Variants in TBC1D16 observed in about 807,000 individuals in gnomAD.
The protein encoded by TBC1D16 is CTD-2529O21.1.
Under a neutral mutation model 74.7 loss-of-function variants are expected in TBC1D16, and 58 were observed. The observed-to-expected ratio is 0.78, with a 90% CI of 0.63 to 0.97. TBC1D16 has a LOEUF of 0.97. TBC1D16 is among the 50% of genes least tolerant of loss of function. The probability of loss-of-function intolerance (pLI) is 0.00; values close to 1 mark genes in which losing one functional copy is unlikely to be tolerated. For synonymous variants in TBC1D16, 493 were observed against 474.7 expected, an observed-to-expected ratio of 1.04 and a Z score of -0.50; for missense variants, 1,014 against 1,079.5, an observed-to-expected ratio of 0.94 and a Z score of 0.85.
chr17:80,024,756 T>C (rs1218419549), intron 1 of TBC1D16, among the ~76,000 whole-genome samples: 2 of 127,916 alleles, frequency 1.6e-5, no homozygotes, highest in Non-Finnish European at 3.3e-5. Flanking sequence ...ACACACACAC[T>C]ACATACACAC....
intron 3 of TBC1D16, among the ~76,000 whole-genome samples, chr17:79,995,697 A>C (rs995914248): frequency 6.6e-6 from 1 of 151,892 alleles, no homozygotes; most frequent in Non-Finnish European, 1.5e-5. Context: ...AGGCAGGAGA[A>C]TGGCGTGAAT....
At chr17:80,023,659 C>A (rs1426823183) in intron 1 of TBC1D16, among the ~76,000 whole-genome samples, 11 of 111,284 alleles carry the variant, frequency 9.9e-5, no homozygotes, top group Non-Finnish European at 2.0e-4. Flanking sequence ...GCTGCCGGGC[C>A]CCCCCCCACC....
rs200042897 is a variant in TBC1D16 at position 80,035,252 on chromosome 17, C to A, written c.-63+543G>T. ...TTTCTTTTTCTTTTTTTTTTTTTCC[C>A]AAAGGAAAGAACAAGGGAGCCCAGG... On this transcript the variant is annotated intron_variant, in intron 1 of 11. Transcript: ENST00000310924. The surrounding 1 kb of genome is among the most constrained non-coding windows in gnomAD (Gnocchi z 5.3). Among the ~76,000 whole-genome samples the A allele has an allele frequency of 6.9e-6, 1 of 145,280 alleles. No individual in the cohort carries two copies. The highest frequency in any genetic ancestry group is 1.5e-5 in the Non-Finnish European group (1 of 66,650).
rs1041697069 is a variant in TBC1D16, at chr17:79,937,428, G to T, written c.*3431C>A. On this transcript the variant is annotated 3_prime_UTR_variant, in exon 12 of 12. Coordinates refer to ENST00000310924, the MANE Select transcript of TBC1D16 (RefSeq NM_019020.4). ...CCCACCCCCGCCGAGCTTCACACTG[G>T]GCTGCTATGGAAAACTGAAAGGTCA... 1 of 152,400 alleles carries T rather than the reference G, an allele frequency of 6.6e-6. No homozygotes were observed. Among genetic ancestry groups the T allele is most frequent in the Non-Finnish European group, 1.5e-5 (1 of 68,230 alleles). The allele number at this position is 152,400 out of a possible 1,614,324, so 9.4% of individuals were successfully genotyped here.
chr17:80,022,802 A>AATTTTTGT (rs1475436871), intron 1 of TBC1D16, among the ~76,000 whole-genome samples: 3 of 146,884 alleles, frequency 2.0e-5, no homozygotes, highest in African/African-American at 8.0e-5. Context: ...ACACCTGGCT[A>AATTTTTGT]ATTTTTGTAT....
chr17:79,949,778 C>G lies in TBC1D16; in HGVS notation c.1345G>C (p.Glu449Gln), dbSNP rs774713186. 6.2e-7 allele frequency: 1 copy of G among 1,613,730 alleles called. No individual in the cohort carries two copies. Among genetic ancestry groups the G allele is most frequent in the Non-Finnish European group, 8.5e-7 (1 of 1,179,930 alleles). Residue 449 changes from glutamate (E) to glutamine (Q), a missense_variant, in exon 7 of 12, where the codon GAG becomes CAG. Transcript: ENST00000310924. ...TGCAGCCGCAGCGCCTCCCGCTCCT[C>G]CGACGTGGACTCGTGGCTGTAATAG... The part of the protein sequence containing the change: ...LRYYSHESTS[E>Q]EREALRLQKR...
Position 79,961,951 on chromosome 17 carries a change from CG to C in TBC1D16, c.780-9134del, listed in dbSNP as rs1194642609. ...ATCAACAGCCAATGCAGTAATGAATCGTGGTCTGTACATACCATGGCATACT... is the reference window on the plus strand; with the variant it reads ...ATCAACAGCCAATGCAGTAATGAATCTGGTCTGTACATACCATGGCATACT... On this transcript the variant is annotated intron_variant, in intron 3 of 11. Coordinates refer to ENST00000310924, the MANE Select transcript of TBC1D16 (RefSeq NM_019020.4). This position sits in a 1 kb window ranked among gnomAD's most constrained non-coding sequence, Gnocchi z 4.8. Among the ~76,000 whole-genome samples, 2 of 152,084 alleles carry C rather than the reference CG, an allele frequency of 1.3e-5. No homozygotes were observed. The highest frequency in any genetic ancestry group is 1.3e-4 in the Admixed American group (2 of 15,262).
At chr17:80,018,883 G>A (rs950835723) in intron 1 of TBC1D16, among the ~76,000 whole-genome samples, 3 of 150,134 alleles carry the variant, frequency 2.0e-5, no homozygotes, top group East Asian at 3.9e-4. Context: ...TTACAGGCGG[G>A]AGCCACCGCA....
At position 79,962,814 on chromosome 17, in the gene TBC1D16, C is replaced by T. The variant is rs564504354; in HGVS notation, c.780-9996G>A. Among the ~76,000 whole-genome samples, 262 of 151,860 alleles carry T rather than the reference C, an allele frequency of 1.7e-3. 2 individuals carry two copies. Among genetic ancestry groups the T allele is most frequent in the African/African-American group, 4.5e-3 (186 of 41,440 alleles). On this transcript the variant is annotated intron_variant, in intron 3 of 11. Transcript: ENST00000310924. ...TGGTGGCTCATGCCTGTAACCCCAG[C>T]ACTTTGGGAGGCCGAGGTGGGCGGA...
chr17:79,970,822 C>T (rs779528498), intron 3 of TBC1D16, among the ~76,000 whole-genome samples: 3 of 141,812 alleles, frequency 2.1e-5, no homozygotes, highest in Admixed American at 7.0e-5. Context: ...GAGAAAGCAC[C>T]AGTCCTTGTA....
rs556416650 is a variant in TBC1D16 at position 80,007,837 on chromosome 17, G to A, written c.779+2323C>T. ...GGGGGGTGGGGAGGCAGGCAGCATC[G>A]CTCAGCAGGGCCAGATGGTGATGGG... On this transcript the variant is annotated intron_variant, in intron 3 of 11. Transcript: ENST00000310924. This position sits in a 1 kb window ranked among gnomAD's most constrained non-coding sequence, Gnocchi z 4.5. Among the ~76,000 whole-genome samples the A allele has an allele frequency of 2.0e-4, 31 of 152,204 alleles. No individual in the cohort carries two copies. Among genetic ancestry groups the A allele is most frequent in the African/African-American group, 6.7e-4 (28 of 41,508 alleles).
At chr17:79,984,568 G>GAC (rs2034738306) in intron 3 of TBC1D16, among the ~76,000 whole-genome samples, 1 of 141,990 alleles carries the variant, frequency 7.0e-6, no homozygotes, top group Non-Finnish European at 1.5e-5. Flanking sequence ...GAAAGAGAGA[G>GAC]AGAGAAAGAA....
At chr17:79,943,948 G>A (rs1425365183) in intron 10 of TBC1D16, 21 of 1,485,336 alleles carry the variant, frequency 1.4e-5, no homozygotes, top group Admixed American at 4.3e-5. Context: ...GCTTCCCTTC[G>A]TTAATGCAGA....
chr17:80,009,060 A>T lies in TBC1D16; in HGVS notation c.779+1100T>A, dbSNP rs2035782345. Among the ~76,000 whole-genome samples, 1 of 152,174 alleles carries T rather than the reference A, an allele frequency of 6.6e-6. No homozygotes were observed. Among genetic ancestry groups the T allele is most frequent in the South Asian group, 2.1e-4 (1 of 4,832 alleles). On this transcript the variant is annotated intron_variant, in intron 3 of 11. Coordinates refer to ENST00000310924, the MANE Select transcript of TBC1D16 (RefSeq NM_019020.4). The surrounding 1 kb of genome is among the most constrained non-coding windows in gnomAD (Gnocchi z 5.4). The stretch of plus-strand genomic sequence containing the variant: ...CCTTTCCCCTTCGATAGCAGGGGAT[A>T]ATAGGAGGGCCCACCTCACGGGGCG...
In TBC1D16 at chr17:79,960,779, C is replaced by CAAAAAAAAAAAAAAAAAAAAAA. The variant is rs746450905; in HGVS notation, c.780-7983_780-7962dup. On this transcript the variant is annotated intron_variant, in intron 3 of 11. Coordinates refer to ENST00000310924, the MANE Select transcript of TBC1D16 (RefSeq NM_019020.4). ...CAAAAAAACCCAAAAAACAAAAACC[C>CAAAAAAAAAAAAAAAAAAAAAA]AAAAAAAAAAAAAAAAAAAAAAAAA... Among the ~76,000 whole-genome samples, 6 of 33,948 alleles carry CAAAAAAAAAAAAAAAAAAAAAA rather than the reference C, an allele frequency of 1.8e-4. 2 individuals carry two copies. The highest frequency in any genetic ancestry group is 1.0e-3 in the Admixed American group (2 of 1,916). The allele number at this position is 33,948 out of a possible 152,430, so 22.3% of individuals were successfully genotyped here. A position where few individuals can be genotyped will look rare whatever the true frequency, so the allele number is the denominator to read the frequency against.
Position 79,941,227 on chromosome 17 carries a change from C to T in TBC1D16, c.2056-120G>A. 2.0e-6 allele frequency: 2 copies of T among 1,013,132 alleles called. No homozygotes were observed. The highest frequency in any genetic ancestry group is 2.9e-6 in the Non-Finnish European group (2 of 701,672). The allele number at this position is 1,013,132 out of a possible 1,614,324, so 62.8% of individuals were successfully genotyped here. On this transcript the variant is annotated intron_variant, in intron 11 of 11. Coordinates refer to ENST00000310924, the MANE Select transcript of TBC1D16 (RefSeq NM_019020.4). The surrounding 1 kb of genome is among the most constrained non-coding windows in gnomAD (Gnocchi z 4.3). ...CAACGGCCTGCACCTCGGGGGCTCA[C>T]CGAGTCCTGGACTGAGGGCTCTGCC...
chr17:79,951,097 T>C (rs1337784682), intron 5 of TBC1D16, among the ~76,000 whole-genome samples: 1 of 152,214 alleles, frequency 6.6e-6, no homozygotes, highest in Non-Finnish European at 1.5e-5. Flanking sequence ...CAGGAGGCTC[T>C]GCGGGAAGGA....
chr17:79,953,275 C>T (rs377258622), intron 3 of TBC1D16, among the ~76,000 whole-genome samples: 5 of 152,166 alleles, frequency 3.3e-5, no homozygotes, highest in East Asian at 1.9e-4. Flanking sequence ...ATGGGGCTTC[C>T]GCGTGGTTTA....
chr17:80,024,260 C>A lies in TBC1D16; in HGVS notation c.-62-10651G>T, dbSNP rs369825508. Among the ~76,000 whole-genome samples, 11 of 149,648 alleles carry A rather than the reference C, an allele frequency of 7.4e-5. 2 individuals carry two copies. The highest frequency in any genetic ancestry group is 2.8e-4 in the African/African-American group (11 of 39,164). ...CCAAACCCCATGCCTGCTGCTCCCA[C>A]CCCGGAGGAGTCAGAGGCCGAGAAG... is the stretch of plus-strand genomic sequence containing the variant. On this transcript the variant is annotated intron_variant, in intron 1 of 11. Coordinates refer to ENST00000310924, the MANE Select transcript of TBC1D16 (RefSeq NM_019020.4).
Sources: allele counts gnomAD v4.1 joint callset (sites outside exome capture counted in the v4.1 genomes callset), GRCh38; gene constraint gnomAD v4.1.1; non-coding constraint Gnocchi (gnomAD v3.1); transcripts MANE v1.5; gene names NCBI Gene and HGNC (gene_info 2026-07-23, HGNC 2026-07-21).